The following ANK3 variants were observed in gnomAD, a reference collection of about 807,000 sequenced individuals.
ANK3 encodes ankyrin-3.
Under a neutral mutation model 370.9 loss-of-function variants are expected in ANK3, and 57 were observed. The ratio of observed to expected loss-of-function variants is 0.15; its 90% CI spans 0.12 to 0.19. The LOEUF is 0.19. Ranked by LOEUF, ANK3 falls within the 10% of genes least tolerant of loss-of-function variation. The pLI, the probability that ANK3 is intolerant of heterozygous loss-of-function variation, is 1.00. For synonymous variants in ANK3, 1,929 were observed against 1,946.3 expected (o/e 0.99, Z 0.23); for missense variants, 4,439 against 5,302.1 (o/e 0.84, Z 5.06).
intron 2 of ANK3, among the ~76,000 whole-genome samples, chr10:60,405,166 C>G (rs2063427887): frequency 6.6e-6 from 1 of 152,052 alleles, no homozygotes; most frequent in African/African-American, 2.4e-5. Flanking sequence ...CTAGCAATTC[C>G]ACATCTAGAT....
At chr10:60,050,779 TA>T (rs1344028470) in intron 42 of ANK3, 1 of 152,204 alleles carries the variant, frequency 6.6e-6, no homozygotes, top group East Asian at 1.9e-4. Context: ...TATTTATTAA[TA>T]GTGTTTTCAA....
chr10:60,563,802 G>GT (rs1251863986), intron 2 of ANK3, among the ~76,000 whole-genome samples: 1 of 152,084 alleles, frequency 6.6e-6, no homozygotes, highest in African/African-American at 2.4e-5. Context: ...TTTATATCAT[G>GT]TTTTTTCCAT....
chr10:60,651,614 C>G (rs963037064), intron 1 of ANK3, among the ~76,000 whole-genome samples: 2 of 151,918 alleles, frequency 1.3e-5, no homozygotes, highest in Non-Finnish European at 2.9e-5. Context: ...TGGGGCCAGA[C>G]TCTCACTTCA....
intron 1 of ANK3, among the ~76,000 whole-genome samples, chr10:60,641,319 C>T (rs2078629536): frequency 6.6e-6 from 1 of 151,654 alleles, no homozygotes; most frequent in African/African-American, 2.4e-5. Flanking sequence ...GCCCGCATCG[C>T]CAAGTCAATC....
intron 25 of ANK3, 58 bp from the exon 26 acceptor site, chr10:60,114,389 C>G (rs2092937080): frequency 3.4e-6 from 3 of 872,040 alleles, no homozygotes; most frequent in Non-Finnish European, 5.4e-6. Flanking sequence ...ACTGATTTCT[C>G]TACACATATA....
intron 2 of ANK3, among the ~76,000 whole-genome samples, chr10:60,526,273 T>C (rs1296846872): frequency 6.6e-6 from 1 of 152,152 alleles, no homozygotes; most frequent in East Asian, 1.9e-4. Flanking sequence ...ATTTGATAGA[T>C]TGTTCTCTGA....
At chr10:60,544,716 C>T (rs80214098) in intron 2 of ANK3, among the ~76,000 whole-genome samples, 2,024 of 152,170 alleles carry the variant, frequency 0.013, 30 homozygotes, top group Non-Finnish European at 0.018. Context: ...CATATTCTCT[C>T]ATTTATAAGG....
chr10:60,230,186 T>C (rs1170077768), intron 8 of ANK3, among the ~76,000 whole-genome samples: 2 of 152,176 alleles, frequency 1.3e-5, no homozygotes, highest in African/African-American at 2.4e-5. Context: ...GGTCTGTGAA[T>C]TGATGCAGAG....
At chr10:60,645,005 A>G (rs947651069) in intron 1 of ANK3, among the ~76,000 whole-genome samples, 5 of 152,098 alleles carry the variant, frequency 3.3e-5, no homozygotes, top group Admixed American at 2.0e-4. Flanking sequence ...TTAGGACTAA[A>G]GTTTTATTTA....
intron 1 of ANK3, among the ~76,000 whole-genome samples, chr10:60,687,743 T>C (rs1173005376): frequency 6.6e-6 from 1 of 152,212 alleles, no homozygotes; most frequent in Non-Finnish European, 1.5e-5. Context: ...AATCAGGATC[T>C]TGAAGAGATA....
intron 16 of ANK3, among the ~76,000 whole-genome samples, chr10:60,187,243 T>C (rs9919484): frequency 0.75 from 113,653 of 151,574 alleles, 42,830 homozygotes; most frequent in East Asian, 0.84. Context: ...GCAAGCTCCA[T>C]CTCCCGGGTT....
chr10:60,070,740 C>T lies in ANK3; in HGVS notation c.10141G>A (p.Glu3381Lys), dbSNP rs2082526864. ...FGLGLDSPQN[E>K]IAQNGNNDQS... The stretch of plus-strand genomic sequence containing the variant: ...TCGTTGTTCCCATTCTGGGCAATTT[C>T]ATTCTGAGGTGAATCAAGGCCAAGG... The change falls in exon 37 of 44, where the codon GAA (glutamate) becomes AAA (lysine). Residue 3381 changes from glutamate (E) to lysine (K), a missense_variant. Glu to Lys is a moderately conservative substitution (Grantham distance 56). Coordinates refer to ENST00000280772, the MANE Select transcript of ANK3 (RefSeq NM_020987.5). This position sits in a 1 kb window ranked among gnomAD's most constrained non-coding sequence, Gnocchi z 5.7. The T allele has an allele frequency of 1.2e-6, 2 of 1,614,070 alleles. No homozygotes were observed. The highest frequency in any genetic ancestry group is 1.7e-6 in the Non-Finnish European group (2 of 1,180,030).
At chr10:60,731,323 A>C (rs540696332) in intron 1 of ANK3, among the ~76,000 whole-genome samples, 61 of 152,314 alleles carry the variant, frequency 4.0e-4, no homozygotes, top group African/African-American at 1.4e-3. Context: ...CAGAATCCAC[A>C]CTGTTTCCTT....
intron 2 of ANK3, among the ~76,000 whole-genome samples, chr10:60,545,619 A>T (rs186572959): frequency 6.6e-6 from 1 of 152,128 alleles, no homozygotes; most frequent in African/African-American, 2.4e-5. Flanking sequence ...TTTTCAAGGG[A>T]TTGAAATACT....
Position 60,683,368 on chromosome 10 carries a change from G to A in ANK3, c.57+49895C>T, listed in dbSNP as rs138922791. Among the ~76,000 whole-genome samples the A allele has an allele frequency of 1.2e-4, 18 of 152,202 alleles. No individual in the cohort carries two copies. In the East Asian group the frequency reaches 3.5e-3, roughly 29 times the overall value. ...ACTTTGAGCAAGCATGAGGCTTTTT[G>A]GAAGAAACAGAATAGTAAAATAAGT... On this transcript the variant is annotated intron_variant, in intron 1 of 43. Coordinates refer to the ANK3 transcript ENST00000373827.
intron 1 of ANK3, among the ~76,000 whole-genome samples, chr10:60,727,516 C>T (rs1288324430): frequency 4.6e-5 from 7 of 152,090 alleles, no homozygotes; most frequent in Non-Finnish European, 1.5e-5. Flanking sequence ...CAAAATTCAA[C>T]AAATTGTACA....
intron 23 of ANK3, among the ~76,000 whole-genome samples, chr10:60,164,462 A>G (rs1451702755): frequency 6.6e-6 from 1 of 151,870 alleles, no homozygotes; most frequent in Non-Finnish European, 1.5e-5. Context: ...GCTGAGGGGA[A>G]CAATAGAAGG....
At chr10:60,233,280 T>C (rs919132077) in intron 8 of ANK3, among the ~76,000 whole-genome samples, 9 of 152,206 alleles carry the variant, frequency 5.9e-5, no homozygotes, top group East Asian at 1.9e-4. Context: ...TAAAGTTAAA[T>C]AGCCTACCTA....
chr10:60,331,122 CG>C (rs2051158771), intron 1 of ANK3, among the ~76,000 whole-genome samples: 1 of 128,612 alleles, frequency 7.8e-6, no homozygotes, highest in Non-Finnish European at 1.6e-5. Context: ...GTCAGGGGGT[CG>C]GGGGCATGGG....
Sources: allele counts gnomAD v4.1 joint callset (sites outside exome capture counted in the v4.1 genomes callset), GRCh38; gene constraint gnomAD v4.1.1; non-coding constraint Gnocchi (gnomAD v3.1); transcripts MANE v1.5; gene names NCBI Gene and HGNC (gene_info 2026-07-23, HGNC 2026-07-21).